Variants in DMXL1 observed in about 807,000 individuals in gnomAD.
The protein encoded by DMXL1 is Dmx like 1, also known as dmX-like protein 1.
DMXL1 carries 99 observed loss-of-function variants against 319.2 expected under a neutral mutation model. That is an observed-to-expected ratio of 0.31 (90% CI 0.26 to 0.37). The LOEUF is 0.37. Among genes scored for constraint, DMXL1 ranks in the 10% least tolerant of loss-of-function variants. The probability of loss-of-function intolerance (pLI) is 1.00; values close to 1 mark genes in which losing one functional copy is unlikely to be tolerated. For missense variants in DMXL1, 3,745 were observed against 3,595.6 expected (o/e 1.04, Z -1.06); for synonymous variants, 1,385 against 1,235.2 (o/e 1.12, Z -2.54).
At chr5:119,240,675 A>G (rs1788608273) in intron 42 of DMXL1, among the ~76,000 whole-genome samples, 2 of 152,220 alleles carry the variant, frequency 1.3e-5, no homozygotes, top group Admixed American at 6.5e-5. Flanking sequence ...ACAGTGAGAC[A>G]TCGATAATAT....
chr5:119,224,696 T>G lies in DMXL1; in HGVS notation c.8278-13T>G, dbSNP rs1785222126. 9.1e-7 allele frequency: 1 copy of G among 1,103,326 alleles called. No individual in the cohort carries two copies. The highest frequency in any genetic ancestry group is 1.6e-5 in the African/African-American group (1 of 61,038). 68.3% of individuals were successfully genotyped at this position (1,103,326 alleles called of 1,614,324 possible). On this transcript the variant is annotated splice_polypyrimidine_tract_variant and intron_variant, in intron 37 of 43. Coordinates refer to ENST00000539542, the MANE Select transcript of DMXL1 (RefSeq NM_001290321.3). ...TTTATTATGCCTATAAAATAATTTTTCTATTTTACCAGATGATTAAGAAAG... is the reference window on the plus strand; with the variant it reads ...TTTATTATGCCTATAAAATAATTTTGCTATTTTACCAGATGATTAAGAAAG...
At chr5:119,232,806 T>TAAAAAAAA in intron 38 of DMXL1, among the ~76,000 whole-genome samples, 1 of 148,506 alleles carries the variant, frequency 6.7e-6, no homozygotes. Flanking sequence ...AGACCCTGTC[T>TAAAAAAAA]CTAAAAAAAA....
At chr5:119,232,287 C>G (rs1463704947) in intron 38 of DMXL1, among the ~76,000 whole-genome samples, 1 of 152,150 alleles carries the variant, frequency 6.6e-6, no homozygotes, top group Non-Finnish European at 1.5e-5. Flanking sequence ...TCTCAAAAAA[C>G]TCTACCTCCT....
intron 1 of DMXL1, among the ~76,000 whole-genome samples, chr5:119,091,709 G>C: frequency 6.6e-6 from 1 of 152,214 alleles, no homozygotes; most frequent in Middle Eastern, 3.4e-3. Context: ...AAGGGCTGCC[G>C]TTCCTAAAGT....
At chr5:119,205,766 T>C (rs1357338238) in intron 33 of DMXL1, among the ~76,000 whole-genome samples, 1 of 152,086 alleles carries the variant, frequency 6.6e-6, no homozygotes, top group East Asian at 1.9e-4. Flanking sequence ...AAATAGAATA[T>C]AGAGTTTGTG....
intron 1 of DMXL1, among the ~76,000 whole-genome samples, chr5:119,088,916 C>T (rs1753961710): frequency 1.3e-5 from 2 of 152,050 alleles, no homozygotes; most frequent in Non-Finnish European, 1.5e-5. Context: ...TTACACACCA[C>T]AATTACAGTA....
In DMXL1 at chr5:119,142,737, A is replaced by G. The variant is rs557377553; in HGVS notation, c.2377-1104A>G. Among the ~76,000 whole-genome samples the G allele has an allele frequency of 5.3e-5, 8 of 152,192 alleles. No individual in the cohort carries two copies. In the East Asian group the frequency reaches 1.5e-3, roughly 29 times the overall value. On this transcript the variant is annotated intron_variant, in intron 13 of 43. Transcript: ENST00000539542. ...TTCTGTGGTAAGGGCACATGCAGGC[A>G]AATGTTCATTGCAGCATTATTCACA...
intron 28 of DMXL1, 59 bp from the exon 29 acceptor site, chr5:119,189,649 A>G: frequency 6.6e-7 from 1 of 1,507,606 alleles, no homozygotes; most frequent in Non-Finnish European, 9.2e-7. Context: ...ATGTAAACAC[A>G]GGTGAAATAA....
Position 119,196,435 on chromosome 5 carries a change from T to A in DMXL1, c.7522T>A (p.Phe2508Ile). ...CAACAATTTGAAGACTTTTTATCCC[T>A]TCGCAGGTCATGATCTTGCAGGTAA... ...VLNNLKTFYP[F>I]AGHDLAELPV... The change falls in exon 31 of 44, where the codon TTC (phenylalanine) becomes ATC (isoleucine). Residue 2508 changes from phenylalanine (F) to isoleucine (I), a missense_variant. By Grantham distance (21) the Phe-to-Ile change is conservative. This residue lies in a region of DMXL1 where 1,382 missense variants were observed against 1,269.5 expected (regional missense o/e 1.09). Transcript: ENST00000539542. 1.9e-6 allele frequency: 3 copies of A among 1,613,534 alleles called. No individual in the cohort carries two copies. The highest frequency in any genetic ancestry group is 2.5e-6 in the Non-Finnish European group (3 of 1,179,622).
intron 28 of DMXL1, among the ~76,000 whole-genome samples, chr5:119,183,965 T>C (rs1427456553): frequency 6.6e-6 from 1 of 152,228 alleles, no homozygotes; most frequent in Non-Finnish European, 1.5e-5. Context: ...TTTATTTCAC[T>C]GCTAAAGCCT....
intron 42 of DMXL1, among the ~76,000 whole-genome samples, chr5:119,242,379 C>T (rs1449537049): frequency 6.6e-6 from 1 of 151,870 alleles, no homozygotes; most frequent in Non-Finnish European, 1.5e-5. Context: ...ACAATAGCAC[C>T]CAAAACAATG....
chr5:119,146,775 A>G (rs1477923393), intron 15 of DMXL1, 62 bp from the exon 16 acceptor site: 8 of 1,463,344 alleles, frequency 5.5e-6, no homozygotes, highest in East Asian at 2.5e-5. Context: ...TTAACTTGGC[A>G]TGTTTAGCAA....
At chr5:119,139,474 C>T (rs543114942) in intron 13 of DMXL1, among the ~76,000 whole-genome samples, 1 of 152,136 alleles carries the variant, frequency 6.6e-6, no homozygotes, top group Non-Finnish European at 1.5e-5. Context: ...GGGTTGCCAT[C>T]CTGATTTCAG....
chr5:119,109,737 T>A (rs1468627331), intron 4 of DMXL1, among the ~76,000 whole-genome samples: 1 of 152,254 alleles, frequency 6.6e-6, no homozygotes. Context: ...GCACTTTTAC[T>A]ACAGGTACAC....
intron 30 of DMXL1, among the ~76,000 whole-genome samples, 159 bp downstream of exon 30, chr5:119,194,129 A>T (rs1405179465): frequency 6.6e-6 from 1 of 152,188 alleles, no homozygotes; most frequent in Non-Finnish European, 1.5e-5. Context: ...TTCCTTAACA[A>T]TAATTTCTCT....
At position 119,166,792 on chromosome 5, in the gene DMXL1, A is replaced by T. The variant is rs1161321243; in HGVS notation, c.5136+11A>T. 1 of 1,592,608 alleles carries T rather than the reference A, an allele frequency of 6.3e-7. No individual in the cohort carries two copies. The highest frequency in any genetic ancestry group is 8.5e-7 in the Non-Finnish European group (1 of 1,171,170). On this transcript the variant is annotated intron_variant, in intron 22 of 43. Transcript: ENST00000539542. Reference sequence around the variant, plus strand: ...AGAGATGCAATTGAGGTAATGAGTGAAATTTAAATAACAAAGTATAGCAAT... The same window carrying T: ...AGAGATGCAATTGAGGTAATGAGTGTAATTTAAATAACAAAGTATAGCAAT...
intron 39 of DMXL1, chr5:119,236,948 C>A (rs568468675): frequency 6.6e-6 from 1 of 152,316 alleles, no homozygotes; most frequent in African/African-American, 2.4e-5. Flanking sequence ...TTGTTTGTTT[C>A]TGAAAATCCT....
intron 5 of DMXL1, 30 bp downstream of exon 5, chr5:119,110,313 T>C (rs779083658): frequency 6.0e-5 from 90 of 1,509,454 alleles, no homozygotes; most frequent in Non-Finnish European, 7.7e-5. Flanking sequence ...AGTAAACTGA[T>C]AAACCTGTTG....
chr5:119,092,144 T>G (rs569252722), intron 1 of DMXL1, among the ~76,000 whole-genome samples: 1 of 152,270 alleles, frequency 6.6e-6, no homozygotes, highest in South Asian at 2.1e-4. Flanking sequence ...TTGTCTTTTT[T>G]CATTTCTGAA....
Sources: allele counts gnomAD v4.1 joint callset (sites outside exome capture counted in the v4.1 genomes callset), GRCh38; gene constraint gnomAD v4.1.1; regional missense constraint gnomAD v4.1.1; transcripts MANE v1.5; gene names NCBI Gene and HGNC (gene_info 2026-07-23, HGNC 2026-07-21).